CPPED1: variants seen among roughly 807,000 people sequenced by gnomAD.
CPPED1 encodes the protein serine/threonine-protein phosphatase CPPED1.
CPPED1 carries 28 observed loss-of-function variants against 28.0 expected under a neutral mutation model. That is an observed-to-expected ratio of 1.00 (90% CI 0.74 to 1.37). CPPED1 has a LOEUF of 1.37. Among genes scored for constraint, CPPED1 ranks in the 40% most tolerant of loss-of-function variants. CPPED1 has a pLI of 0.00. For synonymous variants in CPPED1, 198 were observed against 180.2 expected, an observed-to-expected ratio of 1.10 and a Z score of -0.79; for missense variants, 504 against 416.5, an observed-to-expected ratio of 1.21 and a Z score of -1.83.
chr16:12,697,594 C>G (rs7205924), intron 3 of CPPED1, among the ~76,000 whole-genome samples: 6 of 152,188 alleles, frequency 3.9e-5, no homozygotes, highest in Non-Finnish European at 2.9e-5. Context: ...GAACATTTCT[C>G]TAAGCCAAGA....
At chr16:12,702,036 C>T (rs1442347420) in intron 3 of CPPED1, among the ~76,000 whole-genome samples, 1 of 152,274 alleles carries the variant, frequency 6.6e-6, no homozygotes, top group East Asian at 1.9e-4. Flanking sequence ...GCCAGGGCTG[C>T]GGTCTTGCTC....
At chr16:12,728,423 A>G (rs79378557) in intron 2 of CPPED1, among the ~76,000 whole-genome samples, 4,063 of 152,238 alleles carry the variant, frequency 0.027, 72 homozygotes, top group East Asian at 0.1. Context: ...AGCAAAAGAG[A>G]TGAAGAAAGG....
chr16:12,699,653 A>C (rs1394925950), intron 3 of CPPED1, among the ~76,000 whole-genome samples: 1 of 152,128 alleles, frequency 6.6e-6, no homozygotes, highest in Non-Finnish European at 1.5e-5. Context: ...TGCTCTTTAA[A>C]AGGGTATTTT....
intron 2 of CPPED1, among the ~76,000 whole-genome samples, chr16:12,766,074 G>A (rs2080436172): frequency 6.6e-6 from 1 of 151,912 alleles, no homozygotes; most frequent in Non-Finnish European, 1.5e-5. Flanking sequence ...CACTCGCTTT[G>A]TCTATGGCAT....
intron 1 of CPPED1, among the ~76,000 whole-genome samples, chr16:12,784,243 A>T (rs2080549374): frequency 6.6e-6 from 1 of 152,210 alleles, no homozygotes; most frequent in African/African-American, 2.4e-5. Context: ...AAAGCCCATG[A>T]GAAACCAATC....
At chr16:12,800,339 G>A (rs2080651670) in intron 1 of CPPED1, among the ~76,000 whole-genome samples, 1 of 151,736 alleles carries the variant, frequency 6.6e-6, no homozygotes, top group African/African-American at 2.4e-5. Flanking sequence ...TCGGGAGGCT[G>A]AAGCAGGAGA....
At chr16:12,686,027 C>T (rs1044185931) in intron 3 of CPPED1, among the ~76,000 whole-genome samples, 3 of 152,046 alleles carry the variant, frequency 2.0e-5, no homozygotes, top group Admixed American at 1.3e-4. Context: ...TCAGCCAGGC[C>T]GAGTGCCTGA....
rs555503296 is a variant in CPPED1 at position 12,671,983 on chromosome 16, T to C, written c.716-6868A>G. ...CCTTCCCTAGGTCTAGATATACAAA[T>C]CCTTACCATTGTGTTATGGTTGCCT... On this transcript the variant is annotated intron_variant, in intron 3 of 3. Transcript: ENST00000381774. 1.3e-5 allele frequency among the ~76,000 whole-genome samples: 2 copies of C among 152,356 alleles called. 1 individual carries two copies. Among genetic ancestry groups the C allele is most frequent in the South Asian group, 4.1e-4 (2 of 4,830 alleles).
chr16:12,686,796 T>A (rs1284525126), intron 3 of CPPED1, among the ~76,000 whole-genome samples: 1 of 152,152 alleles, frequency 6.6e-6, no homozygotes. Flanking sequence ...ACAAAGACAA[T>A]CTCTTCCTCC....
chr16:12,673,120 A>G (rs2079860963), intron 3 of CPPED1, among the ~76,000 whole-genome samples: 1 of 152,230 alleles, frequency 6.6e-6, no homozygotes, highest in African/African-American at 2.4e-5. Context: ...CCAGGGCACA[A>G]ACTGTGCAGT....
At chr16:12,763,806 G>A (rs904387073) in intron 2 of CPPED1, among the ~76,000 whole-genome samples, 1 of 152,162 alleles carries the variant, frequency 6.6e-6, no homozygotes, top group Non-Finnish European at 1.5e-5. Context: ...GGTTCTGGCA[G>A]GACTTCGGAC....
chr16:12,710,798 T>C (rs1259171192), intron 2 of CPPED1, among the ~76,000 whole-genome samples: 1 of 152,166 alleles, frequency 6.6e-6, no homozygotes, highest in Non-Finnish European at 1.5e-5. Flanking sequence ...CGCCACTTCA[T>C]ACCCATGAGG....
chr16:12,731,558 C>G (rs1199567521), intron 2 of CPPED1, among the ~76,000 whole-genome samples: 1 of 151,788 alleles, frequency 6.6e-6, no homozygotes, highest in Non-Finnish European at 1.5e-5. Flanking sequence ...GCAGAGCCCT[C>G]CAACAGGAGT....
intron 2 of CPPED1, among the ~76,000 whole-genome samples, chr16:12,714,815 A>G (rs541270125): frequency 6.6e-6 from 1 of 152,028 alleles, no homozygotes; most frequent in African/African-American, 2.4e-5. Context: ...CAATTTATCT[A>G]TTTTCTGTTT....
rs145613868 is a variant in CPPED1 at position 12,707,777 on chromosome 16, G to T, written c.290-2728C>A. Among the ~76,000 whole-genome samples the T allele has an allele frequency of 2.8e-3, 430 of 152,124 alleles. 1 individual carries two copies. Among genetic ancestry groups the T allele is most frequent in the African/African-American group, 9.5e-3 (395 of 41,472 alleles). ...CAAACAAAGAGGGATGCTGCTTTTG[G>T]GGAAACCACCAATATCCCCCAGTAA... On this transcript the variant is annotated intron_variant, in intron 2 of 3. Coordinates refer to ENST00000381774, the MANE Select transcript of CPPED1 (RefSeq NM_018340.3).
rs1358340227 is a variant in CPPED1, at chr16:12,781,312, A to G, written c.162T>C (p.Cys54=). ...GLIKAWSTGD[C]DNGGDEWEQE... The stretch of plus-strand genomic sequence containing the variant: ...GTTCCCATTCGTCACCGCCATTGTC[A>G]CAGTCCCCAGTGGACCAGGCCTTGA... Residue 54 remains cysteine, a synonymous_variant, in exon 2 of 4, where the codon TGT becomes TGC. Transcript: ENST00000381774. The G allele has an allele frequency of 1.9e-6, 3 of 1,614,000 alleles. No individual in the cohort carries two copies. Among genetic ancestry groups the G allele is most frequent in the Non-Finnish European group, 2.5e-6 (3 of 1,180,028 alleles).
At chr16:12,786,121 G>A (rs577116802) in intron 1 of CPPED1, among the ~76,000 whole-genome samples, 3 of 152,338 alleles carry the variant, frequency 2.0e-5, no homozygotes, top group African/African-American at 7.2e-5. Flanking sequence ...GCAGAAAGCA[G>A]CAGGTTGCTC....
intron 2 of CPPED1, among the ~76,000 whole-genome samples, chr16:12,721,857 A>C (rs1035713214): frequency 4.6e-5 from 7 of 152,176 alleles, no homozygotes; most frequent in African/African-American, 1.7e-4. Context: ...AATAATTTTT[A>C]AAAACCAACC....
intron 2 of CPPED1, among the ~76,000 whole-genome samples, chr16:12,766,523 A>G (rs2080440597): frequency 2.0e-5 from 3 of 152,256 alleles, no homozygotes; most frequent in South Asian, 2.1e-4. Flanking sequence ...AACCACTCCC[A>G]TAAGTCAATT....
Sources: allele counts gnomAD v4.1 joint callset (sites outside exome capture counted in the v4.1 genomes callset), GRCh38; gene constraint gnomAD v4.1.1; transcripts MANE v1.5; gene names NCBI Gene and HGNC (gene_info 2026-07-23, HGNC 2026-07-21).